Variants in GLT1D1 observed in about 807,000 individuals in gnomAD.
The protein encoded by GLT1D1 is glycosyltransferase 1 domain containing 1.
Under a neutral mutation model 28.7 loss-of-function variants are expected in GLT1D1, and 21 were observed. The ratio of observed to expected loss-of-function variants is 0.73; its 90% CI spans 0.52 to 1.05. The LOEUF (loss-of-function observed/expected upper bound fraction) is 1.05. GLT1D1 is among the 50% of genes least tolerant of loss of function. The pLI is 0.00. For synonymous variants in GLT1D1, 147 were observed against 124.8 expected (o/e 1.18, Z -1.19); for missense variants, 343 against 330.6 (o/e 1.04, Z -0.29).
chr12:128,872,955 G>A (rs1435236322), intron 1 of GLT1D1, among the ~76,000 whole-genome samples: 8 of 152,086 alleles, frequency 5.3e-5, no homozygotes, highest in East Asian at 1.9e-4. Context: ...AAGTGTAGTC[G>A]CATGATCATG....
At chr12:128,869,729 T>C (rs1956635709) in intron 1 of GLT1D1, among the ~76,000 whole-genome samples, 1 of 152,068 alleles carries the variant, frequency 6.6e-6, no homozygotes, top group Non-Finnish European at 1.5e-5. Flanking sequence ...TACTGGACTA[T>C]GGGGGCCTGA....
In GLT1D1 at chr12:128,875,941, G is replaced by C. The variant is rs1956858652; in HGVS notation, c.96G>C (p.Val32=). ...CCCATCTAGAGGCTGCAGGGCACGT[G>C]TGCGTTTTGAAGGATGCCTTTGACT... The change falls in exon 2 of 8, where the codon GTG becomes GTC. Residue 32 remains valine (V), a synonymous_variant. Transcript: ENST00000281703. The C allele has an allele frequency of 6.2e-7, 1 of 1,613,972 alleles. No homozygotes were observed. Among genetic ancestry groups the C allele is most frequent in the Non-Finnish European group, 8.5e-7 (1 of 1,179,986 alleles).
intron 2 of GLT1D1, among the ~76,000 whole-genome samples, chr12:128,879,393 T>C (rs1247601454): frequency 0.016 from 1,117 of 68,890 alleles, 6 homozygotes; most frequent in Middle Eastern, 0.036. Context: ...TTTCTTTCTT[T>C]CTTTCTTTCT....
At chr12:128,875,054 TTGTGTGTGTGTG>T (rs376956933) in intron 1 of GLT1D1, among the ~76,000 whole-genome samples, 3 of 143,896 alleles carry the variant, frequency 2.1e-5, no homozygotes, top group East Asian at 4.0e-4. Flanking sequence ...GACATAAATA[TTGTGTGTGTGTG>T]TGTGTGTGTG....
intron 2 of GLT1D1, among the ~76,000 whole-genome samples, chr12:128,880,013 A>T (rs554603506): frequency 2.6e-5 from 4 of 152,312 alleles, no homozygotes; most frequent in East Asian, 3.9e-4. Flanking sequence ...TTGTATGTGG[A>T]TGTTGGAAAT....
intron 1 of GLT1D1, among the ~76,000 whole-genome samples, chr12:128,874,112 C>CTTCCTTTCTTTCTTTCTT (rs1297129528): frequency 3.5e-5 from 2 of 57,808 alleles, no homozygotes; most frequent in African/African-American, 1.7e-4. Context: ...CTCTCTCTCT[C>CTTCCTTTCTTTCTTTCTT]TCTCTCTCTC....
In GLT1D1 at chr12:128,853,505, C is replaced by T; in HGVS notation, c.-77C>T. On this transcript the variant is annotated 5_prime_UTR_variant, in exon 1 of 8. Transcript: ENST00000281703. ...AGACCCAGCCGCCCCGGCTCCCCCG[C>T]CGTCCGCGTCTGCGCCGGCCCCGGG... is the stretch of plus-strand genomic sequence containing the variant. 1 of 992,520 alleles carries T rather than the reference C, an allele frequency of 1.0e-6. No individual in the cohort carries two copies. The highest frequency in any genetic ancestry group is 1.7e-5 in the African/African-American group (1 of 57,156). 61.5% of individuals were successfully genotyped at this position (992,520 alleles called of 1,614,324 possible).
chr12:128,927,999 CAAAAAA>C (rs938188484), intron 4 of GLT1D1, among the ~76,000 whole-genome samples: 33 of 42,244 alleles, frequency 7.8e-4, no homozygotes, highest in Admixed American at 1.3e-3. Flanking sequence ...GACTCTGTCT[CAAAAAA>C]AAAAAAAAAA....
chr12:128,883,427 T>TA (rs1175172157), intron 2 of GLT1D1, among the ~76,000 whole-genome samples: 2 of 150,684 alleles, frequency 1.3e-5, no homozygotes, highest in Non-Finnish European at 3.0e-5. Flanking sequence ...CCGTCTCTAC[T>TA]AAAAATACAA....
intron 4 of GLT1D1, among the ~76,000 whole-genome samples, chr12:128,905,841 C>G (rs77858310): frequency 8.4e-6 from 1 of 119,428 alleles, no homozygotes; most frequent in Admixed American, 9.1e-5. Context: ...TTTTTTTTTT[C>G]TTTATTAAAG....
intron 6 of GLT1D1, among the ~76,000 whole-genome samples, chr12:128,956,972 G>A (rs1877375970): frequency 1.3e-5 from 2 of 152,258 alleles, no homozygotes; most frequent in Non-Finnish European, 2.9e-5. Flanking sequence ...TGCACACTGT[G>A]CTGTCAGGCC....
chr12:128,883,094 T>G (rs185931422), intron 2 of GLT1D1, among the ~76,000 whole-genome samples: 17 of 150,332 alleles, frequency 1.1e-4, no homozygotes, highest in Non-Finnish European at 1.2e-4. Flanking sequence ...GCCCAGCTAA[T>G]TTTTGTATTT....
At chr12:128,934,345 C>T (rs1874303582) in intron 4 of GLT1D1, among the ~76,000 whole-genome samples, 1 of 151,864 alleles carries the variant, frequency 6.6e-6, no homozygotes, top group African/African-American at 2.4e-5. Flanking sequence ...AGGCACGTGC[C>T]ACCACACCTG....
intron 4 of GLT1D1, among the ~76,000 whole-genome samples, chr12:128,939,845 C>CG (rs1165776088): frequency 6.9e-6 from 1 of 145,362 alleles, no homozygotes; most frequent in African/African-American, 2.6e-5. Context: ...AAACCCCCCC[C>CG]CACCGCCGAT....
intron 4 of GLT1D1, among the ~76,000 whole-genome samples, chr12:128,931,909 ACACG>A (rs1555270721): frequency 8.4e-6 from 1 of 118,544 alleles, no homozygotes; most frequent in Admixed American, 9.0e-5. Context: ...ATGTGCACAC[ACACG>A]CACGCACACA....
intron 1 of GLT1D1, among the ~76,000 whole-genome samples, chr12:128,859,914 G>A (rs1350126494): frequency 6.6e-6 from 1 of 152,130 alleles, no homozygotes; most frequent in East Asian, 1.9e-4. Flanking sequence ...GTGACAGAAT[G>A]GAATAATGTG....
intron 2 of GLT1D1, among the ~76,000 whole-genome samples, chr12:128,883,159 C>T (rs1192440736): frequency 1.3e-5 from 2 of 150,482 alleles, no homozygotes; most frequent in East Asian, 4.1e-4. Context: ...CTCCTGACCT[C>T]GTTATCTGCC....
At chr12:128,914,249 A>G (rs1018575974) in intron 4 of GLT1D1, among the ~76,000 whole-genome samples, 3 of 152,082 alleles carry the variant, frequency 2.0e-5, no homozygotes, top group Non-Finnish European at 4.4e-5. Context: ...GAGAGTGGGA[A>G]TTTTACAGGG....
chr12:128,921,636 A>T (rs1027464831), intron 4 of GLT1D1, among the ~76,000 whole-genome samples: 1 of 152,052 alleles, frequency 6.6e-6, no homozygotes, highest in African/African-American at 2.4e-5. Context: ...TCTCAGGGCC[A>T]TCTTTCCAAG....
Sources: gnomAD v4.1 joint callset for allele counts (sites outside exome capture counted in the v4.1 genomes callset) on GRCh38, gnomAD v4.1.1 for gene constraint, MANE v1.5 for transcripts, NCBI Gene and HGNC (gene_info 2026-07-23, HGNC 2026-07-21) for gene names.